The following RNF217 variants were observed in gnomAD, a reference collection of about 807,000 sequenced individuals.
RNF217 encodes ring finger protein 217.
In RNF217, 31 loss-of-function variants were observed where a neutral mutation model predicts 57.8. That is an observed-to-expected ratio of 0.54 (90% CI 0.40 to 0.72). The LOEUF (loss-of-function observed/expected upper bound fraction) is 0.72. Ranked by LOEUF, RNF217 falls within the 30% of genes least tolerant of loss-of-function variation. The pLI, the probability that RNF217 is intolerant of heterozygous loss-of-function variation, is 0.00. For synonymous variants in RNF217, 313 were observed against 294.0 expected, an observed-to-expected ratio of 1.06 and a Z score of -0.66; for missense variants, 696 against 708.3, an observed-to-expected ratio of 0.98 and a Z score of 0.20.
intron 1 of RNF217, among the ~76,000 whole-genome samples, chr6:125,035,125 C>A (rs1786548828): frequency 6.6e-6 from 1 of 152,166 alleles, no homozygotes; most frequent in African/African-American, 2.4e-5. Flanking sequence ...TCTAGATATA[C>A]AATGATGTCA....
At chr6:124,981,482 C>G (rs1215599753) in intron 1 of RNF217, among the ~76,000 whole-genome samples, 2 of 152,090 alleles carry the variant, frequency 1.3e-5, no homozygotes, top group African/African-American at 2.4e-5. Context: ...CGGTGACTTT[C>G]AGGCCATAGG....
intron 1 of RNF217, among the ~76,000 whole-genome samples, chr6:125,035,342 G>A (rs1168359652): frequency 6.6e-6 from 1 of 152,102 alleles, no homozygotes; most frequent in Non-Finnish European, 1.5e-5. Flanking sequence ...GTTTGTCATA[G>A]ATAGCTCTCT....
intron 1 of RNF217, among the ~76,000 whole-genome samples, chr6:124,979,187 A>G (rs1217365661): frequency 6.6e-6 from 1 of 152,214 alleles, no homozygotes; most frequent in Non-Finnish European, 1.5e-5. Context: ...CTGCCTACAA[A>G]TTTGTCTGTC....
At chr6:125,035,797 C>T (rs1786588029) in intron 1 of RNF217, among the ~76,000 whole-genome samples, 2 of 151,882 alleles carry the variant, frequency 1.3e-5, no homozygotes, top group Non-Finnish European at 2.9e-5. Flanking sequence ...TTTACAGTTA[C>T]AGTCTACCTG....
Position 124,963,184 on chromosome 6 carries a change from G to C in RNF217, c.640G>C (p.Asp214His). 7.2e-6 allele frequency: 11 copies of C among 1,535,998 alleles called. No individual in the cohort carries two copies. Among genetic ancestry groups the C allele is most frequent in the Non-Finnish European group, 9.6e-6 (11 of 1,146,878 alleles). ...CAGCCCCCGACTGTCCCTCCCAACG[G>C]ATTCCCTCTCCCCCGACGGCGGCAG... ...FPSPRLSLPTDSLSPDGGSIE... is the reference protein window; with the variant it reads ...FPSPRLSLPTHSLSPDGGSIE... Residue 214 changes from aspartate (D) to histidine (H), a missense_variant, in exon 1 of 6, where the codon GAT (aspartate) becomes CAT (histidine). Coordinates refer to ENST00000521654, the MANE Select transcript of RNF217 (RefSeq NM_001286398.3).
intron 1 of RNF217, among the ~76,000 whole-genome samples, chr6:124,977,884 T>C (rs1429131988): frequency 1.3e-5 from 2 of 152,346 alleles, no homozygotes; most frequent in Non-Finnish European, 2.9e-5. Flanking sequence ...AGAAATCTTT[T>C]CTTCCACTGG....
In RNF217 at chr6:125,057,374, G is replaced by A. The variant is rs535022144; in HGVS notation, c.1117-568G>A. Among the ~76,000 whole-genome samples the A allele has an allele frequency of 2.7e-4, 41 of 152,174 alleles. No homozygotes were observed. The South Asian group carries it at 8.1e-3, about 30-fold the overall frequency. On this transcript the variant is annotated intron_variant, in intron 2 of 5. Coordinates refer to ENST00000521654, the MANE Select transcript of RNF217 (RefSeq NM_001286398.3). ...TTTTTATATTTTTCGTAGAGATGGG[G>A]TTTCACCATGTTGGCCAGGCTGGGC... is the stretch of plus-strand genomic sequence containing the variant.
At chr6:124,989,712 A>G (rs954628310) in intron 1 of RNF217, among the ~76,000 whole-genome samples, 1 of 152,126 alleles carries the variant, frequency 6.6e-6, no homozygotes, top group Non-Finnish European at 1.5e-5. Context: ...AAAGGTAGAA[A>G]TCATTCACAG....
At chr6:125,016,903 C>T (rs1785635353) in intron 1 of RNF217, among the ~76,000 whole-genome samples, 1 of 152,042 alleles carries the variant, frequency 6.6e-6, no homozygotes, top group Non-Finnish European at 1.5e-5. Context: ...GCACGTTCTG[C>T]ACATGTATCA....
chr6:124,986,088 G>A (rs951146403), intron 1 of RNF217, among the ~76,000 whole-genome samples: 2 of 152,090 alleles, frequency 1.3e-5, no homozygotes, highest in African/African-American at 2.4e-5. Flanking sequence ...TTCTAGATAT[G>A]TCACAAAGGT....
chr6:125,038,225 A>G (rs1294151639), intron 1 of RNF217, among the ~76,000 whole-genome samples: 1 of 152,168 alleles, frequency 6.6e-6, no homozygotes, highest in Admixed American at 6.5e-5. Context: ...AGTGATATAA[A>G]TAGTTGTATT....
At chr6:124,998,839 T>C (rs1784854195) in intron 1 of RNF217, among the ~76,000 whole-genome samples, 1 of 152,140 alleles carries the variant, frequency 6.6e-6, no homozygotes, top group South Asian at 2.1e-4. Flanking sequence ...CAACATAAGA[T>C]TATAAGCACC....
chr6:125,011,342 T>C (rs1785407426), intron 1 of RNF217, among the ~76,000 whole-genome samples: 1 of 152,160 alleles, frequency 6.6e-6, no homozygotes, highest in Admixed American at 6.5e-5. Flanking sequence ...CTTCTTTTAT[T>C]ACAGCCTGAC....
At chr6:125,080,278 A>G (rs1241657259) in intron 4 of RNF217, among the ~76,000 whole-genome samples, 1 of 152,122 alleles carries the variant, frequency 6.6e-6, no homozygotes, top group African/African-American at 2.4e-5. Flanking sequence ...AATAAAACCC[A>G]TATCTAGACA....
At chr6:125,021,926 G>T (rs1448296725) in intron 1 of RNF217, among the ~76,000 whole-genome samples, 1 of 152,074 alleles carries the variant, frequency 6.6e-6, no homozygotes, top group Admixed American at 6.6e-5. Flanking sequence ...CTGTCACCCA[G>T]GCTGGAGTGC....
At chr6:125,076,893 G>A (rs1446802593) in intron 4 of RNF217, 35 bp downstream of exon 4, 1 of 1,561,240 alleles carries the variant, frequency 6.4e-7, no homozygotes, top group East Asian at 2.2e-5. Context: ...TGTCTTCCCT[G>A]GGAATTAAGT....
At chr6:124,974,065 C>G (rs1373061510) in intron 1 of RNF217, among the ~76,000 whole-genome samples, 1 of 152,170 alleles carries the variant, frequency 6.6e-6, no homozygotes, top group African/African-American at 2.4e-5. Context: ...CTGGCCTCCC[C>G]CGGAGCCAGC....
intron 1 of RNF217, among the ~76,000 whole-genome samples, chr6:124,981,135 A>C (rs60591491): frequency 0.028 from 4,308 of 152,308 alleles, 217 homozygotes; most frequent in African/African-American, 0.099. Context: ...TACTGTTTAT[A>C]ATGTTTGTGA....
At chr6:125,020,148 G>A (rs1482654351) in intron 1 of RNF217, among the ~76,000 whole-genome samples, 4 of 152,166 alleles carry the variant, frequency 2.6e-5, no homozygotes, top group African/African-American at 7.2e-5. Context: ...AGCTACCATT[G>A]CAATTCGCAG....
Sources: allele counts gnomAD v4.1 joint callset (sites outside exome capture counted in the v4.1 genomes callset), GRCh38; gene constraint gnomAD v4.1.1; transcripts MANE v1.5; gene names NCBI Gene and HGNC (gene_info 2026-07-23, HGNC 2026-07-21).